The following RMST variants were observed in gnomAD, a reference collection of about 807,000 sequenced individuals.
The protein encoded by RMST is rhabdomyosarcoma 2 associated transcript.
intron 5 of RMST, among the ~76,000 whole-genome samples, chr12:97,478,587 CACCAGTG>C (rs1267280656): frequency 3.9e-5 from 6 of 152,168 alleles, no homozygotes; most frequent in Admixed American, 6.5e-5. Context: ...TGTAGACAAA[CACCAGTG>C]AGTATAATTG....
intron 10 of RMST, among the ~76,000 whole-genome samples, chr12:97,498,910 C>T (rs759252760): frequency 6.6e-5 from 10 of 152,304 alleles, no homozygotes; most frequent in Middle Eastern, 3.4e-3. Flanking sequence ...AGGTTTCAGG[C>T]ATCGGTAGCA....
At chr12:97,509,463 G>A (rs1241761410) in intron 10 of RMST, among the ~76,000 whole-genome samples, 3 of 152,132 alleles carry the variant, frequency 2.0e-5, no homozygotes, top group Non-Finnish European at 4.4e-5. Context: ...GGGCCTCACT[G>A]TAATTAGCAT....
chr12:97,498,561 A>G (rs1877722555), intron 10 of RMST, among the ~76,000 whole-genome samples: 1 of 151,874 alleles, frequency 6.6e-6, no homozygotes, highest in African/African-American at 2.4e-5. Flanking sequence ...GTATACACAT[A>G]TCTTCTATAT....
rs369331883 is a variant in RMST, at chr12:97,487,982, T to C, written n.645-4479T>C. 4.7e-4 allele frequency among the ~76,000 whole-genome samples: 71 copies of C among 152,324 alleles called. No homozygotes were observed. In the East Asian group the frequency reaches 0.013, roughly 28 times the overall value. ...CTCCTTCTACCCCCACGGATTCTAATTCTAAAACTGCTGCTCACTCTGTGA... is the reference window on the plus strand; with the variant it reads ...CTCCTTCTACCCCCACGGATTCTAACTCTAAAACTGCTGCTCACTCTGTGA... On this transcript the variant is annotated intron_variant and non_coding_transcript_variant, in intron 5 of 13. Transcript: ENST00000640149.
At chr12:97,542,234 T>C (rs1269064777) in intron 11 of RMST, among the ~76,000 whole-genome samples, 2 of 151,868 alleles carry the variant, frequency 1.3e-5, no homozygotes, top group Non-Finnish European at 2.9e-5. Flanking sequence ...ATGAGAATTA[T>C]GATTTGCAAG....
intron 5 of RMST, among the ~76,000 whole-genome samples, chr12:97,484,549 C>A (rs1237913158): frequency 6.6e-6 from 1 of 152,138 alleles, no homozygotes; most frequent in Non-Finnish European, 1.5e-5. Flanking sequence ...TTATTCTCTG[C>A]AAGATCTTCC....
intron 5 of RMST, among the ~76,000 whole-genome samples, chr12:97,474,426 C>T (rs1874285002): frequency 6.6e-6 from 1 of 152,002 alleles, no homozygotes; most frequent in Admixed American, 6.6e-5. Flanking sequence ...TAGCCATTTG[C>T]AGGGGACACC....
chr12:97,480,070 T>C (rs968547836), intron 5 of RMST, among the ~76,000 whole-genome samples: 26 of 148,948 alleles, frequency 1.7e-4, no homozygotes, highest in African/African-American at 5.7e-4. Flanking sequence ...AATTTTTCTT[T>C]TCTTTTCTTT....
intron 10 of RMST, among the ~76,000 whole-genome samples, chr12:97,527,175 C>T (rs1226442131): frequency 1.3e-5 from 2 of 152,140 alleles, no homozygotes; most frequent in African/African-American, 2.4e-5. Flanking sequence ...ATAGGAAGGG[C>T]TGTCACAAGG....
chr12:97,471,807 T>G (rs1256079512), intron 5 of RMST, among the ~76,000 whole-genome samples: 1 of 152,158 alleles, frequency 6.6e-6, no homozygotes, highest in Non-Finnish European at 1.5e-5. Flanking sequence ...AAATATTTAA[T>G]CAGCCACTTT....
intron 11 of RMST, among the ~76,000 whole-genome samples, chr12:97,551,233 C>T (rs1883288330): frequency 6.7e-6 from 1 of 150,108 alleles, no homozygotes; most frequent in Admixed American, 6.6e-5. Flanking sequence ...CCTTAGTCCT[C>T]TTGGTAATTG....
intron 11 of RMST, chr12:97,560,518 A>C (rs77296200): frequency 2.6e-5 from 4 of 152,178 alleles, no homozygotes; most frequent in Non-Finnish European, 5.9e-5. Context: ...CATTCACTGT[A>C]TTCTATCTCA....
At chr12:97,484,709 T>G (rs1875867662) in intron 5 of RMST, among the ~76,000 whole-genome samples, 1 of 152,200 alleles carries the variant, frequency 6.6e-6, no homozygotes. Flanking sequence ...AAAGAGCTCT[T>G]CTCTTTCAAG....
chr12:97,499,548 T>C (rs1877832478), intron 10 of RMST, among the ~76,000 whole-genome samples: 1 of 152,224 alleles, frequency 6.6e-6, no homozygotes, highest in Non-Finnish European at 1.5e-5. Context: ...GCCCATAGTA[T>C]TGTAAAAATC....
At chr12:97,474,624 C>CAAAAAAAAAAAAAAAAAAAAAAACAAA (rs34888626) in intron 5 of RMST, among the ~76,000 whole-genome samples, 1 of 55,792 alleles carries the variant, frequency 1.8e-5, no homozygotes, top group Admixed American at 2.1e-4. Context: ...AAAAAGAAGC[C>CAAAAAAAAAAAAAAAAAAAAAAACAAA]AAAAAAAAAA....
intron 9 of RMST, among the ~76,000 whole-genome samples, chr12:97,495,285 A>G (rs2136460903): frequency 6.6e-6 from 1 of 152,200 alleles, no homozygotes; most frequent in African/African-American, 2.4e-5. Context: ...TGGCATATAT[A>G]CTTTGACACA....
chr12:97,486,362 C>T (rs1876109701), intron 5 of RMST, among the ~76,000 whole-genome samples: 1 of 127,380 alleles, frequency 7.9e-6, no homozygotes, highest in South Asian at 2.5e-4. Context: ...CTACCTTGAA[C>T]ATGCTCCTAT....
chr12:97,501,834 T>C (rs1024322888), intron 10 of RMST, among the ~76,000 whole-genome samples: 6 of 152,178 alleles, frequency 3.9e-5, no homozygotes, highest in Non-Finnish European at 7.3e-5. Context: ...CCTTAATAAA[T>C]AGATGACGCA....
At position 97,526,347 on chromosome 12, in the gene RMST, T is replaced by A. The variant is rs191900516; in HGVS notation, n.1341-4308T>A. Among the ~76,000 whole-genome samples the A allele has an allele frequency of 2.0e-5, 3 of 152,298 alleles. No homozygotes were observed. In the East Asian group the frequency reaches 5.8e-4, roughly 29 times the overall value. On this transcript the variant is annotated intron_variant and non_coding_transcript_variant, in intron 10 of 13. Transcript: ENST00000640149. ...AGTACTTTCATATCGGTACTCCTACTTATACTTTATTCATTTTAATGGCTG... is the reference window on the plus strand; with the variant it reads ...AGTACTTTCATATCGGTACTCCTACATATACTTTATTCATTTTAATGGCTG...
Sources: allele counts gnomAD v4.1 joint callset (sites outside exome capture counted in the v4.1 genomes callset), GRCh38; gene constraint gnomAD v4.1.1; transcripts MANE v1.5; gene names NCBI Gene and HGNC (gene_info 2026-07-23, HGNC 2026-07-21).